Variants in MAPK9 observed in about 807,000 individuals in gnomAD.
MAPK9 encodes the protein Jun kinase.
Under a neutral mutation model 57.1 loss-of-function variants are expected in MAPK9, and 30 were observed. The ratio of observed to expected loss-of-function variants is 0.53; its 90% confidence interval spans 0.39 to 0.71. The LOEUF is 0.71. MAPK9 is among the 30% of genes least tolerant of loss of function. The pLI, the probability that MAPK9 is intolerant of heterozygous loss-of-function variation, is 0.00. For missense variants in MAPK9, 362 were observed against 521.0 expected (o/e 0.69, Z 2.97); for synonymous variants, 155 against 177.0 (o/e 0.88, Z 0.99).
At chr5:180,260,364 A>G (rs1392187811) in intron 5 of MAPK9, among the ~76,000 whole-genome samples, 1 of 152,236 alleles carries the variant, frequency 6.6e-6, no homozygotes, top group East Asian at 1.9e-4. Flanking sequence ...AATTATTTCA[A>G]AAGTCATCTG....
intron 1 of MAPK9, chr5:180,286,878 A>C (rs1454388177): frequency 6.6e-6 from 1 of 152,292 alleles, no homozygotes; most frequent in African/African-American, 2.4e-5. Context: ...GTGCCAAACT[A>C]GAAACAACCC....
rs1160606774 is a variant in MAPK9, at chr5:180,291,890, C to A, written c.-90G>T. The A allele has an allele frequency of 6.8e-6, 1 of 147,102 alleles. No homozygotes were observed. The highest frequency in any genetic ancestry group is 1.5e-5 in the Non-Finnish European group (1 of 65,758). 9.1% of individuals were successfully genotyped at this position (147,102 alleles called of 1,614,324 possible). ...GCGCCACGGGGAGAGGGCGGGCGGGCGGACTGGCGGCGCTGCGTGCTAGTC... is the reference window on the plus strand; with the variant it reads ...GCGCCACGGGGAGAGGGCGGGCGGGAGGACTGGCGGCGCTGCGTGCTAGTC... On this transcript the variant is annotated 5_prime_UTR_variant, in exon 1 of 12. Transcript: ENST00000452135.
chr5:180,270,845 T>C (rs1377680734), intron 2 of MAPK9, among the ~76,000 whole-genome samples: 3 of 134,436 alleles, frequency 2.2e-5, no homozygotes, highest in East Asian at 2.0e-4. Flanking sequence ...TGAGACCCTG[T>C]TGCCCAGGGT....
At chr5:180,248,912 G>C (rs113758719) in intron 6 of MAPK9, 61 bp downstream of exon 6, 15 of 1,507,972 alleles carry the variant, frequency 9.9e-6, no homozygotes, top group African/African-American at 8.4e-5. Context: ...GAAAAAACTC[G>C]AGACCACCGC....
intron 2 of MAPK9, among the ~76,000 whole-genome samples, chr5:180,274,064 C>G (rs1478106594): frequency 6.6e-6 from 1 of 152,140 alleles, no homozygotes; most frequent in Admixed American, 6.5e-5. Flanking sequence ...ATTAAATATT[C>G]TAACTCTGAA....
intron 2 of MAPK9, among the ~76,000 whole-genome samples, chr5:180,273,504 G>A (rs1761545453): frequency 1.3e-5 from 2 of 152,004 alleles, no homozygotes; most frequent in South Asian, 4.2e-4. Flanking sequence ...TGGAATTATA[G>A]GCATGAGCCA....
intron 3 of MAPK9, among the ~76,000 whole-genome samples, chr5:180,267,174 G>T (rs994767828): frequency 6.6e-6 from 1 of 152,182 alleles, no homozygotes; most frequent in Non-Finnish European, 1.5e-5. Context: ...TAATCTGTGG[G>T]TGGCGGTATT....
chr5:180,242,815 A>G, intron 7 of MAPK9, 60 bp from the exon 8 acceptor site: 1 of 1,332,884 alleles, frequency 7.5e-7, no homozygotes, highest in Non-Finnish European at 1.0e-6. Context: ...TACATGCGGC[A>G]GCATCACTTG....
At chr5:180,251,156 C>T (rs1561796951) in intron 5 of MAPK9, among the ~76,000 whole-genome samples, 1 of 152,126 alleles carries the variant, frequency 6.6e-6, no homozygotes, top group South Asian at 2.1e-4. Flanking sequence ...GAAGCAGAAA[C>T]AGGCGCTTCC....
intron 1 of MAPK9, among the ~76,000 whole-genome samples, chr5:180,281,861 G>A (rs547022758): frequency 1.3e-5 from 2 of 152,328 alleles, no homozygotes; most frequent in South Asian, 2.1e-4. Flanking sequence ...GTGTGTTAGC[G>A]TGCCAGCCAG....
intron 3 of MAPK9, among the ~76,000 whole-genome samples, chr5:180,268,182 G>A (rs1336234799): frequency 6.6e-6 from 1 of 152,096 alleles, no homozygotes; most frequent in African/African-American, 2.4e-5. Flanking sequence ...GCGACCACTA[G>A]GAGAACAAAC....
intron 9 of MAPK9, among the ~76,000 whole-genome samples, chr5:180,240,773 T>A (rs144771330): frequency 4.7e-4 from 71 of 152,358 alleles, no homozygotes; most frequent in African/African-American, 1.6e-3. Flanking sequence ...TAATAAACTA[T>A]GAGCTCACAG....
chr5:180,266,920 T>C (rs1760623501), intron 3 of MAPK9, among the ~76,000 whole-genome samples: 1 of 152,196 alleles, frequency 6.6e-6, no homozygotes, highest in African/African-American at 2.4e-5. Flanking sequence ...CAGCACTGCT[T>C]ATAACAGTGA....
chr5:180,280,654 T>C lies in MAPK9; in HGVS notation c.-47-46A>G, dbSNP rs774117711. Reference sequence around the variant, plus strand: ...AACGTGCATTCTTACCGGAAGTACATACGCAGCTCACGTAAGAGAGTTCTG... The same window carrying C: ...AACGTGCATTCTTACCGGAAGTACACACGCAGCTCACGTAAGAGAGTTCTG... On this transcript the variant is annotated intron_variant, in intron 1 of 11. Transcript: ENST00000452135. 9.1e-5 allele frequency: 134 copies of C among 1,475,220 alleles called. 1 individual carries two copies. The highest frequency in any genetic ancestry group is 1.2e-4 in the Non-Finnish European group (130 of 1,088,794). The allele number at this position is 1,475,220 out of a possible 1,614,324, so 91.4% of individuals were successfully genotyped here. A position where few individuals can be genotyped will look rare whatever the true frequency, so the allele number is the denominator to read the frequency against.
chr5:180,269,831 T>C (rs1761086831), intron 2 of MAPK9, among the ~76,000 whole-genome samples: 1 of 152,238 alleles, frequency 6.6e-6, no homozygotes, highest in Non-Finnish European at 1.5e-5. Flanking sequence ...ATGGCTGAAT[T>C]CATGAGGAGA....
In MAPK9 at chr5:180,235,532, T is replaced by G. The variant is rs1426397583; in HGVS notation, c.*852A>C. ...ATCATATTTAATTAAGATGGAGTGTTACGCACCTAATAAAGAAGGTGAAGT... is the reference window on the plus strand; with the variant it reads ...ATCATATTTAATTAAGATGGAGTGTGACGCACCTAATAAAGAAGGTGAAGT... On this transcript the variant is annotated 3_prime_UTR_variant, in exon 12 of 12. Coordinates refer to ENST00000452135, the MANE Select transcript of MAPK9 (RefSeq NM_002752.5). 6.6e-6 allele frequency: 1 copy of G among 152,190 alleles called. No individual in the cohort carries two copies. Among genetic ancestry groups the G allele is most frequent in the Non-Finnish European group, 1.5e-5 (1 of 68,030 alleles). The allele number at this position is 152,190 out of a possible 1,614,324, so 9.4% of individuals were successfully genotyped here.
chr5:180,234,774 A>G lies in MAPK9; in HGVS notation c.*1610T>C, dbSNP rs1418667590. 1 of 151,770 alleles carries G rather than the reference A, an allele frequency of 6.6e-6. No homozygotes were observed. The highest frequency in any genetic ancestry group is 1.5e-5 in the Non-Finnish European group (1 of 68,030). The allele number at this position is 151,770 out of a possible 1,614,324, so 9.4% of individuals were successfully genotyped here. A position where few individuals can be genotyped will look rare whatever the true frequency, so the allele number is the denominator to read the frequency against. On this transcript the variant is annotated 3_prime_UTR_variant, in exon 12 of 12. Transcript: ENST00000452135. Reference sequence around the variant, plus strand: ...TATAAAAGAACTATTTCTTATTTCAATATTAATTTTGCTAATCAAAGGTTC... The same window carrying G: ...TATAAAAGAACTATTTCTTATTTCAGTATTAATTTTGCTAATCAAAGGTTC...
At chr5:180,280,077 G>A (rs1438432707) in intron 2 of MAPK9, 3 of 455,422 alleles carry the variant, frequency 6.6e-6, no homozygotes, top group Non-Finnish European at 8.9e-6. Flanking sequence ...AAGGGGAGGG[G>A]GGAAAAGGTG....
Position 180,271,391 on chromosome 5 carries a change from C to T in MAPK9, c.123-1982G>A, listed in dbSNP as rs547924324. Among the ~76,000 whole-genome samples the T allele has an allele frequency of 3.5e-4, 53 of 152,180 alleles. 1 individual carries two copies. ...GAAATGATTCACCTACTCCCCATTACGAAAACTGAGTATTTGGCCACTTCC... is the reference window on the plus strand; with the variant it reads ...GAAATGATTCACCTACTCCCCATTATGAAAACTGAGTATTTGGCCACTTCC... On this transcript the variant is annotated intron_variant, in intron 2 of 11. Transcript: ENST00000452135.
Sources: allele counts gnomAD v4.1 joint callset (sites outside exome capture counted in the v4.1 genomes callset), GRCh38; gene constraint gnomAD v4.1.1; transcripts MANE v1.5; gene names NCBI Gene and HGNC (gene_info 2026-07-23, HGNC 2026-07-21).